Variants in CTPS1 observed in about 807,000 individuals in gnomAD.
The protein encoded by CTPS1 is CTP synthetase 1.
In CTPS1, 25 loss-of-function variants were observed where a neutral mutation model predicts 80.5. The ratio of observed to expected loss-of-function variants is 0.31; its 90% CI spans 0.23 to 0.43. CTPS1 has a LOEUF of 0.43. Ranked by LOEUF, CTPS1 falls within the 20% of genes least tolerant of loss-of-function variation. CTPS1 has a pLI of 1.00. For missense variants in CTPS1, 442 were observed against 725.7 expected (o/e 0.61, Z 4.49); for synonymous variants, 267 against 252.5 (o/e 1.06, Z -0.54).
At chr1:40,982,556 AT>A (rs1642342380) in intron 1 of CTPS1, among the ~76,000 whole-genome samples, 1 of 152,026 alleles carries the variant, frequency 6.6e-6, no homozygotes, top group Non-Finnish European at 1.5e-5. Context: ...CAGCCGGCTA[AT>A]TTTTGTATTT....
chr1:40,999,967 T>G (rs1642860926), intron 9 of CTPS1, among the ~76,000 whole-genome samples: 1 of 151,874 alleles, frequency 6.6e-6, no homozygotes, highest in Non-Finnish European at 1.5e-5. Flanking sequence ...CTGGTCAACA[T>G]AGCGAGACCC....
chr1:41,010,804 C>T (rs1473604457), intron 18 of CTPS1, among the ~76,000 whole-genome samples: 2 of 152,222 alleles, frequency 1.3e-5, no homozygotes, highest in South Asian at 2.1e-4. Flanking sequence ...AAATAGACGT[C>T]GAATGTTTGT....
chr1:40,985,689 T>C (rs574802749), intron 3 of CTPS1, among the ~76,000 whole-genome samples: 1 of 152,182 alleles, frequency 6.6e-6, no homozygotes, highest in Non-Finnish European at 1.5e-5. Context: ...CTTTAGACTT[T>C]ACTGGCCTGA....
At chr1:40,985,045 C>A in intron 3 of CTPS1, 54 bp downstream of exon 3, 1 of 1,308,094 alleles carries the variant, frequency 7.6e-7, no homozygotes, top group Non-Finnish European at 1.0e-6. Flanking sequence ...TTAATTTCTT[C>A]TCCCTCCCAC....
chr1:40,987,582 C>A, intron 4 of CTPS1, 110 bp downstream of exon 4: 1 of 772,724 alleles, frequency 1.3e-6, no homozygotes, highest in Non-Finnish European at 2.2e-6. Context: ...ATCTCTGGTG[C>A]AGTATGTTGC....
chr1:40,993,768 TTCTC>T (rs1209753590), intron 7 of CTPS1, among the ~76,000 whole-genome samples: 2 of 143,508 alleles, frequency 1.4e-5, no homozygotes, highest in South Asian at 2.2e-4. Context: ...TTTCATTTTC[TTCTC>T]TCTTTTTTTT....
At chr1:40,999,434 G>C (rs1260681327) in intron 9 of CTPS1, among the ~76,000 whole-genome samples, 1 of 152,186 alleles carries the variant, frequency 6.6e-6, no homozygotes, top group Non-Finnish European at 1.5e-5. Context: ...CACGAGATTT[G>C]AACAGACACT....
chr1:40,988,794 C>A, intron 5 of CTPS1, 84 bp downstream of exon 5: 1 of 888,614 alleles, frequency 1.1e-6, no homozygotes, highest in Non-Finnish European at 1.8e-6. Context: ...CACTCATTGT[C>A]TAGTAGTTTT....
At position 41,007,568 on chromosome 1, in the gene CTPS1, C is replaced by T; in HGVS notation, c.1393+23C>T. ...TGAGTAAGAGCTGCCTCACGCTGGC[C>T]CAGCCTTTGGCTCTGCGTGCCCAGG... On this transcript the variant is annotated intron_variant, in intron 14 of 18. Transcript: ENST00000650070. The surrounding 1 kb of genome is among the most constrained non-coding windows in gnomAD (Gnocchi z 4.4). 3 of 1,605,130 alleles carry T rather than the reference C, an allele frequency of 1.9e-6. No homozygotes were observed. Among genetic ancestry groups the T allele is most frequent in the Non-Finnish European group, 2.6e-6 (3 of 1,172,618 alleles).
chr1:40,988,059 G>A (rs184068666), intron 4 of CTPS1, among the ~76,000 whole-genome samples: 164 of 152,084 alleles, frequency 1.1e-3, no homozygotes, highest in African/African-American at 3.7e-3. Context: ...ACTACAGTGC[G>A]CACCACCATG....
intron 10 of CTPS1, among the ~76,000 whole-genome samples, chr1:41,001,810 G>A (rs566869353): frequency 6.6e-6 from 1 of 152,180 alleles, no homozygotes; most frequent in East Asian, 1.9e-4. Flanking sequence ...GCTGCAGTGA[G>A]CTGTGATCAC....
chr1:41,002,038 G>A (rs574603447), intron 10 of CTPS1, 122 bp from the exon 11 acceptor site: 2 of 820,924 alleles, frequency 2.4e-6, no homozygotes, highest in East Asian at 2.4e-5. Flanking sequence ...CATTGTCACA[G>A]TAGCACAATG....
intron 13 of CTPS1, 76 bp downstream of exon 13, chr1:41,006,170 G>C (rs1643028806): frequency 8.0e-7 from 1 of 1,253,016 alleles, no homozygotes; most frequent in Non-Finnish European, 1.2e-6. Context: ...TTGATGATTA[G>C]AGACAAGAAG....
intron 1 of CTPS1, chr1:40,981,062 C>T (rs1400720318): frequency 6.6e-6 from 1 of 152,302 alleles, no homozygotes; most frequent in Non-Finnish European, 1.5e-5. Context: ...AGCGTCTGCT[C>T]TCATCGTCCC....
Position 41,011,891 on chromosome 1 carries a change from G to A in CTPS1, c.*243G>A, listed in dbSNP as rs777422432. On this transcript the variant is annotated 3_prime_UTR_variant, in exon 19 of 19. Coordinates refer to ENST00000650070, the MANE Select transcript of CTPS1 (RefSeq NM_001905.4). ...TTCTTGAGTTGCGGCAGAACATCGC[G>A]ATGGGAACCGATGGTGGGTGGGGCT... The A allele has an allele frequency of 6.6e-6, 1 of 152,212 alleles. No homozygotes were observed. The highest frequency in any genetic ancestry group is 1.5e-5 in the Non-Finnish European group (1 of 68,046). The allele number at this position is 152,212 out of a possible 1,614,324, so 9.4% of individuals were successfully genotyped here.
At chr1:40,989,082 G>C (rs1642532679) in intron 5 of CTPS1, among the ~76,000 whole-genome samples, 1 of 152,216 alleles carries the variant, frequency 6.6e-6, no homozygotes, top group Non-Finnish European at 1.5e-5. Flanking sequence ...CTGACCTTGA[G>C]TGCCGGATCT....
intron 7 of CTPS1, among the ~76,000 whole-genome samples, chr1:40,994,715 A>G (rs1448849530): frequency 6.6e-6 from 1 of 152,088 alleles, no homozygotes; most frequent in East Asian, 1.9e-4. Context: ...TCAGTACATC[A>G]TTGAATAGAA....
At chr1:40,988,447 T>G (rs939485947) in intron 4 of CTPS1, 147 bp from the exon 5 acceptor site, 1 of 635,270 alleles carries the variant, frequency 1.6e-6, no homozygotes, top group Non-Finnish European at 2.8e-6. Flanking sequence ...TAATTCCTGT[T>G]AACTGTTAAC....
At chr1:40,997,138 G>T (rs904022843) in intron 8 of CTPS1, 10 of 387,062 alleles carry the variant, frequency 2.6e-5, no homozygotes, top group Non-Finnish European at 4.6e-5. Context: ...GTTGTTTTTT[G>T]TGGGGGTTTT....
Sources: gnomAD v4.1 joint callset for allele counts (sites outside exome capture counted in the v4.1 genomes callset) on GRCh38, gnomAD v4.1.1 for gene constraint, Gnocchi (gnomAD v3.1) non-coding constraint, MANE v1.5 for transcripts, NCBI Gene and HGNC (gene_info 2026-07-23, HGNC 2026-07-21) for gene names.